DSCAM: variants seen among roughly 807,000 people sequenced by gnomAD.
The protein encoded by DSCAM is DS cell adhesion molecule, also known as cell adhesion molecule DSCAM.
In DSCAM, 47 loss-of-function variants were observed where a neutral mutation model predicts 217.7. The ratio of observed to expected loss-of-function variants is 0.22; its 90% CI spans 0.17 to 0.28. DSCAM has a LOEUF of 0.28. Among genes scored for constraint, DSCAM ranks in the 10% least tolerant of loss-of-function variants. The pLI, the probability that DSCAM is intolerant of heterozygous loss-of-function variation, is 1.00. For synonymous variants in DSCAM, 1,056 were observed against 1,015.3 expected, an observed-to-expected ratio of 1.04 and a Z score of -0.76; for missense variants, 2,080 against 2,618.3, an observed-to-expected ratio of 0.79 and a Z score of 4.49.
chr21:40,109,955 G>C (rs2089873920), intron 20 of DSCAM, among the ~76,000 whole-genome samples: 1 of 152,190 alleles, frequency 6.6e-6, no homozygotes, highest in African/African-American at 2.4e-5. Flanking sequence ...GCAGCTCAAG[G>C]AGGCCTGCCT....
chr21:40,507,408 A>G (rs2076218498), intron 3 of DSCAM, among the ~76,000 whole-genome samples: 2 of 152,226 alleles, frequency 1.3e-5, no homozygotes, highest in South Asian at 2.1e-4. Context: ...GGTAAAAAAT[A>G]CGGCATTTAC....
At chr21:40,504,453 G>C (rs771263211) in intron 3 of DSCAM, among the ~76,000 whole-genome samples, 7 of 152,130 alleles carry the variant, frequency 4.6e-5, no homozygotes, top group African/African-American at 1.7e-4. Context: ...CTGTCACTGA[G>C]AACAGAATTC....
At chr21:40,152,130 CA>C (rs201473877) in intron 16 of DSCAM, among the ~76,000 whole-genome samples, 2 of 147,050 alleles carry the variant, frequency 1.4e-5, no homozygotes, top group African/African-American at 5.1e-5. Flanking sequence ...AAAAAAAACA[CA>C]AAAAAAACAA....
intron 3 of DSCAM, among the ~76,000 whole-genome samples, chr21:40,504,425 C>A (rs2076194401): frequency 6.6e-6 from 1 of 152,164 alleles, no homozygotes; most frequent in African/African-American, 2.4e-5. Flanking sequence ...TCAGCCCTCC[C>A]TCGGGAGAAC....
chr21:40,374,235 T>C (rs989255116), intron 3 of DSCAM, among the ~76,000 whole-genome samples: 2 of 152,190 alleles, frequency 1.3e-5, no homozygotes, highest in Non-Finnish European at 2.9e-5. Context: ...AAAATTAAAT[T>C]GGTATCTATC....
chr21:40,159,394 C>A (rs2410217), intron 16 of DSCAM, among the ~76,000 whole-genome samples: 125,078 of 151,686 alleles, frequency 0.82, 52,819 homozygotes, highest in Non-Finnish European at 0.91. Flanking sequence ...GTATATCCAC[C>A]TATGCACTCC....
chr21:40,305,385 G>A (rs1222529045), intron 9 of DSCAM, among the ~76,000 whole-genome samples: 6 of 105,498 alleles, frequency 5.7e-5, no homozygotes, highest in Non-Finnish European at 8.2e-5. Flanking sequence ...GCAAGATCCC[G>A]TCTCAAAAAA....
intron 11 of DSCAM, among the ~76,000 whole-genome samples, chr21:40,257,785 C>T (rs576630009): frequency 1.5e-4 from 23 of 152,136 alleles, no homozygotes; most frequent in Non-Finnish European, 1.5e-4. Flanking sequence ...TTTTTTTCTC[C>T]TGGCTTCAAT....
chr21:40,369,168 G>A lies in DSCAM; in HGVS notation c.586C>T (p.Arg196Cys), dbSNP rs1364765285. The A allele has an allele frequency of 1.9e-6, 3 of 1,613,396 alleles. No homozygotes were observed. Among genetic ancestry groups the A allele is most frequent in the Admixed American group, 1.7e-5 (1 of 59,888 alleles). ...VQNEDGLYNY[R>C]CITRHRYTGE... ...GTGTATCGATGCCGCGTGATGCAGC[G>A]GTAGTTATACAATCCATCTTCATTC... The change falls in exon 4 of 33, where the codon CGC becomes TGC. Residue 196 changes from arginine to cysteine, a missense_variant. Physicochemically the swap from Arg to Cys is radical, Grantham distance 180 (BLOSUM62 -3). Coordinates refer to ENST00000400454, the MANE Select transcript of DSCAM (RefSeq NM_001389.5).
intron 11 of DSCAM, among the ~76,000 whole-genome samples, chr21:40,248,284 C>T (rs1321311184): frequency 6.6e-6 from 1 of 152,180 alleles, no homozygotes; most frequent in African/African-American, 2.4e-5. Context: ...CAGAAGATGG[C>T]ATTTTCTTTT....
intron 27 of DSCAM, 31 bp downstream of exon 27, chr21:40,075,006 C>T (rs760717159): frequency 2.5e-5 from 40 of 1,610,976 alleles, no homozygotes; most frequent in South Asian, 4.4e-5. Flanking sequence ...GCAGGGGACA[C>T]GCGTAGGTGG....
intron 1 of DSCAM, among the ~76,000 whole-genome samples, chr21:40,776,722 C>A (rs976984308): frequency 6.6e-5 from 10 of 152,108 alleles, no homozygotes; most frequent in South Asian, 6.2e-4. Context: ...TGGGGACCAA[C>A]GTAAGGATCC....
At chr21:40,065,368 A>G (rs2089192151) in intron 27 of DSCAM, among the ~76,000 whole-genome samples, 1 of 152,140 alleles carries the variant, frequency 6.6e-6, no homozygotes, top group South Asian at 2.1e-4. Context: ...GAGAGAGTGC[A>G]AAAAGAAGAT....
At chr21:40,132,988 G>C (rs1217035233) in intron 19 of DSCAM, among the ~76,000 whole-genome samples, 2 of 152,176 alleles carry the variant, frequency 1.3e-5, no homozygotes, top group East Asian at 3.9e-4. Context: ...AAAAGTTGCA[G>C]AGACAATCCA....
At chr21:40,686,569 G>A (rs556498319) in intron 3 of DSCAM, among the ~76,000 whole-genome samples, 6 of 152,080 alleles carry the variant, frequency 3.9e-5, no homozygotes, top group Non-Finnish European at 7.4e-5. Context: ...CTATCTCTAT[G>A]TGTCTATCTA....
At chr21:40,401,045 G>C (rs1294155891) in intron 3 of DSCAM, among the ~76,000 whole-genome samples, 2 of 152,116 alleles carry the variant, frequency 1.3e-5, no homozygotes, top group African/African-American at 4.8e-5. Context: ...TTTTACCATT[G>C]AATCAAATAC....
At chr21:40,224,981 A>C in intron 11 of DSCAM, among the ~76,000 whole-genome samples, 1 of 152,238 alleles carries the variant, frequency 6.6e-6, no homozygotes, top group Non-Finnish European at 1.5e-5. Flanking sequence ...GGTTTGAATT[A>C]GAAACTACCT....
At chr21:40,646,168 G>T (rs2089943785) in intron 3 of DSCAM, among the ~76,000 whole-genome samples, 1 of 152,162 alleles carries the variant, frequency 6.6e-6, no homozygotes, top group African/African-American at 2.4e-5. Context: ...TGCAATCCTA[G>T]CACTTTGGGA....
chr21:40,159,549 A>G (rs1031298855), intron 16 of DSCAM, among the ~76,000 whole-genome samples: 2 of 152,228 alleles, frequency 1.3e-5, no homozygotes, highest in Non-Finnish European at 2.9e-5. Context: ...GAATACTTTT[A>G]TTAAATTACT....
Sources: allele counts gnomAD v4.1 joint callset (sites outside exome capture counted in the v4.1 genomes callset), GRCh38; gene constraint gnomAD v4.1.1; transcripts MANE v1.5; gene names NCBI Gene and HGNC (gene_info 2026-07-23, HGNC 2026-07-21).